The following CHST8 variants were observed in gnomAD, a reference collection of about 807,000 sequenced individuals.
The protein encoded by CHST8 is carbohydrate sulfotransferase 8.
A neutral mutation model predicts 15.0 loss-of-function variants in CHST8; 10 were observed. The ratio of observed to expected loss-of-function variants is 0.67; its 90% confidence interval spans 0.41 to 1.13. CHST8 has a LOEUF of 1.13. Ranked by LOEUF, CHST8 falls within the 50% of genes most tolerant of loss-of-function variation. The pLI is 0.00. For missense variants in CHST8, 634 were observed against 608.2 expected (o/e 1.04, Z -0.45); for synonymous variants, 259 against 256.6 (o/e 1.01, Z -0.09).
At chr19:33,645,562 A>G (rs1568313087) in intron 1 of CHST8, among the ~76,000 whole-genome samples, 1 of 152,174 alleles carries the variant, frequency 6.6e-6, no homozygotes. Flanking sequence ...CTGAGCGGCT[A>G]GAAGGATGGA....
intron 1 of CHST8, among the ~76,000 whole-genome samples, chr19:33,624,017 G>A (rs1334648678): frequency 6.6e-6 from 1 of 152,210 alleles, no homozygotes; most frequent in Non-Finnish European, 1.5e-5. Flanking sequence ...AAACCTCAAA[G>A]CCGGAACCTG....
intron 3 of CHST8, among the ~76,000 whole-genome samples, chr19:33,721,866 CAGAT>C (rs1173217385): frequency 1.7e-4 from 21 of 126,322 alleles, no homozygotes; most frequent in African/African-American, 6.3e-4. Flanking sequence ...GATGGATGGA[CAGAT>C]GGATGGATGG....
intron 1 of CHST8, among the ~76,000 whole-genome samples, chr19:33,655,947 A>G (rs1972505478): frequency 6.6e-6 from 1 of 152,110 alleles, no homozygotes; most frequent in Non-Finnish European, 1.5e-5. Context: ...CTAATTTTTT[A>G]AGTTGAACAT....
intron 3 of CHST8, among the ~76,000 whole-genome samples, chr19:33,764,472 C>G (rs569211761): frequency 1.8e-4 from 28 of 152,172 alleles, no homozygotes; most frequent in Non-Finnish European, 3.2e-4. Flanking sequence ...TGCACTCCAG[C>G]CTGGGTGACT....
intron 3 of CHST8, among the ~76,000 whole-genome samples, chr19:33,699,356 A>T (rs1568333497): frequency 6.6e-6 from 1 of 152,206 alleles, no homozygotes; most frequent in Non-Finnish European, 1.5e-5. Flanking sequence ...ATCTGGGGGC[A>T]GTGGAGGGGA....
intron 3 of CHST8, among the ~76,000 whole-genome samples, chr19:33,715,780 C>T (rs1433061804): frequency 6.6e-6 from 1 of 152,226 alleles, no homozygotes; most frequent in Non-Finnish European, 1.5e-5. Context: ...TCCATTCATC[C>T]ATCTGTTTAT....
chr19:33,683,616 C>T (rs969089925), intron 2 of CHST8, among the ~76,000 whole-genome samples: 7 of 152,186 alleles, frequency 4.6e-5, no homozygotes, highest in Non-Finnish European at 1.0e-4. Context: ...ATTCCAGGTT[C>T]ATGGAGTGCC....
intron 3 of CHST8, among the ~76,000 whole-genome samples, chr19:33,698,814 G>A (rs1973273878): frequency 6.6e-6 from 1 of 152,130 alleles, no homozygotes; most frequent in Non-Finnish European, 1.5e-5. Flanking sequence ...GACCAGGCAA[G>A]ACAGGCAGGA....
At chr19:33,650,569 T>C (rs1057433178) in intron 1 of CHST8, among the ~76,000 whole-genome samples, 1 of 134,276 alleles carries the variant, frequency 7.4e-6, no homozygotes, top group Non-Finnish European at 1.6e-5. Flanking sequence ...TCTCACTCTG[T>C]CGTCCAGGCT....
intron 3 of CHST8, among the ~76,000 whole-genome samples, chr19:33,692,764 C>T (rs1377975017): frequency 2.0e-5 from 3 of 152,044 alleles, no homozygotes; most frequent in East Asian, 1.9e-4. Flanking sequence ...CACATTTGGT[C>T]GAGCAAACTG....
At chr19:33,636,572 C>G (rs1277463153) in intron 1 of CHST8, among the ~76,000 whole-genome samples, 1 of 152,098 alleles carries the variant, frequency 6.6e-6, no homozygotes, top group Non-Finnish European at 1.5e-5. Context: ...AGAAAAAATT[C>G]GGGCAAGTAC....
intron 3 of CHST8, among the ~76,000 whole-genome samples, chr19:33,705,308 T>C (rs1973425795): frequency 6.6e-6 from 1 of 152,134 alleles, no homozygotes; most frequent in African/African-American, 2.4e-5. Flanking sequence ...AGCCCCTCAG[T>C]GGCATTGTTT....
chr19:33,721,523 T>C (rs1394108377), intron 3 of CHST8, among the ~76,000 whole-genome samples: 2 of 150,586 alleles, frequency 1.3e-5, no homozygotes, highest in African/African-American at 2.4e-5. Flanking sequence ...GATGGGTGGA[T>C]GGATGGATAG....
chr19:33,753,067 T>C (rs1974451677), intron 3 of CHST8, among the ~76,000 whole-genome samples: 1 of 152,020 alleles, frequency 6.6e-6, no homozygotes, highest in Non-Finnish European at 1.5e-5. Flanking sequence ...GGGGGAAGGC[T>C]CGCTTGCATT....
intron 3 of CHST8, among the ~76,000 whole-genome samples, chr19:33,703,564 TG>T (rs1315613762): frequency 6.6e-6 from 1 of 152,216 alleles, no homozygotes; most frequent in Non-Finnish European, 1.5e-5. Flanking sequence ...CCACACACCC[TG>T]GGGCTAGACG....
chr19:33,657,368 A>C (rs1972524062), intron 1 of CHST8, among the ~76,000 whole-genome samples: 1 of 151,472 alleles, frequency 6.6e-6, no homozygotes, highest in African/African-American at 2.4e-5. Context: ...TCCCAGGTTC[A>C]AGCAATTCTC....
chr19:33,690,941 G>T (rs924248465), intron 3 of CHST8, among the ~76,000 whole-genome samples: 2 of 152,198 alleles, frequency 1.3e-5, no homozygotes, highest in African/African-American at 4.8e-5. Flanking sequence ...GTGGTTGGGG[G>T]TGCATGTAGG....
At chr19:33,752,404 T>G in intron 3 of CHST8, among the ~76,000 whole-genome samples, 1 of 149,442 alleles carries the variant, frequency 6.7e-6, no homozygotes, top group African/African-American at 2.5e-5. Flanking sequence ...TGTTCCCTGA[T>G]CCGCCACATA....
chr19:33,674,522 T>A (rs56158016), intron 2 of CHST8, among the ~76,000 whole-genome samples: 1 of 152,196 alleles, frequency 6.6e-6, no homozygotes, highest in Non-Finnish European at 1.5e-5. Flanking sequence ...GCCCCACGTT[T>A]GACTTTAATT....
Sources: gnomAD v4.1 joint callset for allele counts (sites outside exome capture counted in the v4.1 genomes callset) on GRCh38, gnomAD v4.1.1 for gene constraint, MANE v1.5 for transcripts, NCBI Gene and HGNC (gene_info 2026-07-23, HGNC 2026-07-21) for gene names.